The following TRAPPC9 variants were observed in gnomAD, a reference collection of about 807,000 sequenced individuals.
TRAPPC9 encodes IKK2 binding protein.
A neutral mutation model predicts 124.0 loss-of-function variants in TRAPPC9; 83 were observed. That is an observed-to-expected ratio of 0.67 (90% CI 0.56 to 0.80). TRAPPC9 has a LOEUF of 0.80. TRAPPC9 is among the 30% of genes least tolerant of loss of function. The pLI, the probability that TRAPPC9 is intolerant of heterozygous loss-of-function variation, is 0.00. For synonymous variants in TRAPPC9, 638 were observed against 617.5 expected, an observed-to-expected ratio of 1.03 and a Z score of -0.49; for missense variants, 1,302 against 1,508.3, an observed-to-expected ratio of 0.86 and a Z score of 2.27.
intron 9 of TRAPPC9, among the ~76,000 whole-genome samples, chr8:140,312,207 T>C (rs150884468): frequency 6.6e-6 from 1 of 152,328 alleles, no homozygotes; most frequent in Non-Finnish European, 1.5e-5. Context: ...GGGAGGGGTG[T>C]GAACAAGGAA....
At chr8:140,084,923 G>A (rs1181839748) in intron 17 of TRAPPC9, among the ~76,000 whole-genome samples, 1 of 152,232 alleles carries the variant, frequency 6.6e-6, no homozygotes, top group Non-Finnish European at 1.5e-5. Context: ...CTGATATCCA[G>A]TGGGGTATGG....
chr8:140,167,519 C>CT (rs2061865529), intron 17 of TRAPPC9, among the ~76,000 whole-genome samples: 1 of 152,204 alleles, frequency 6.6e-6, no homozygotes, highest in South Asian at 2.1e-4. Context: ...TGAGGGCTGA[C>CT]TGAGGCCATA....
intron 19 of TRAPPC9, among the ~76,000 whole-genome samples, chr8:139,940,611 G>A (rs1833851972): frequency 6.6e-6 from 1 of 152,238 alleles, no homozygotes; most frequent in African/African-American, 2.4e-5. Flanking sequence ...AGAGGGGCCG[G>A]CAGGGACACA....
intron 19 of TRAPPC9, among the ~76,000 whole-genome samples, chr8:139,982,637 T>G (rs11987198): frequency 5.3e-5 from 8 of 152,066 alleles, no homozygotes; most frequent in Non-Finnish European, 1.0e-4. Flanking sequence ...ATTACAGAAC[T>G]GATGTATCAC....
chr8:140,166,666 C>T (rs895997121), intron 17 of TRAPPC9, among the ~76,000 whole-genome samples: 1 of 152,236 alleles, frequency 6.6e-6, no homozygotes, highest in Non-Finnish European at 1.5e-5. Context: ...AGATACTGAG[C>T]TGGGGTCTGG....
chr8:140,103,019 T>C (rs1362941950), intron 17 of TRAPPC9, among the ~76,000 whole-genome samples: 2 of 151,912 alleles, frequency 1.3e-5, no homozygotes, highest in Non-Finnish European at 2.9e-5. Context: ...AGTGATGAAA[T>C]GAAGGGATGC....
intron 8 of TRAPPC9, among the ~76,000 whole-genome samples, chr8:140,369,723 G>C (rs895382508): frequency 2.0e-5 from 3 of 152,068 alleles, no homozygotes; most frequent in Admixed American, 2.0e-4. Flanking sequence ...AGGCCAAAGT[G>C]GGCGGATCAC....
rs143995542 is a variant in TRAPPC9, at chr8:140,094,723, C to T, written c.2557-70644G>A. 7.2e-3 allele frequency among the ~76,000 whole-genome samples: 1,103 copies of T among 152,242 alleles called. 6 individuals are homozygous for T. Among genetic ancestry groups the T allele is most frequent in the Middle Eastern group, 0.014 (4 of 294 alleles). Reference sequence around the variant, plus strand: ...GCCCTGGCAAGCAAGACATCTATGCCGCAACAGAGGCAAGCCTGCACTCTG... The same window carrying T: ...GCCCTGGCAAGCAAGACATCTATGCTGCAACAGAGGCAAGCCTGCACTCTG... On this transcript the variant is annotated intron_variant, in intron 17 of 22. Transcript: ENST00000438773.
intron 18 of TRAPPC9, among the ~76,000 whole-genome samples, chr8:140,003,795 A>T (rs770613131): frequency 3.9e-5 from 6 of 152,218 alleles, no homozygotes; most frequent in African/African-American, 7.2e-5. Flanking sequence ...GTTTCTTACA[A>T]AGTTGAATAG....
chr8:139,932,274 A>G, intron 19 of TRAPPC9: 1 of 455,820 alleles, frequency 2.2e-6, no homozygotes, highest in South Asian at 1.6e-5. Context: ...GGCCTCGCTC[A>G]GGGTAGCCAC....
intron 21 of TRAPPC9, among the ~76,000 whole-genome samples, chr8:139,756,790 T>C (rs2130300390): frequency 1.6e-5 from 2 of 126,502 alleles, no homozygotes; most frequent in African/African-American, 3.1e-5. Context: ...GGTTTGGGGA[T>C]GAGGACAGCA....
rs1835192578 is a variant in TRAPPC9, at chr8:139,958,990, CACTGCATTCCGAGTCACACGGGGGAGG to C, written c.2810+29709_2810+29735del. ...CTGCATTCCGAGTCACACGGGGGAG[CACTGCATTCCGAGTCACACGGGGGAGG>C]CCTGCATTCCGAGTCACACGGGGGA... On this transcript the variant is annotated intron_variant, in intron 19 of 22. Coordinates refer to ENST00000438773, the MANE Select transcript of TRAPPC9 (RefSeq NM_001160372.4). Among the ~76,000 whole-genome samples the C allele has an allele frequency of 6.1e-4, 88 of 143,940 alleles. 1 individual carries two copies. The highest frequency in any genetic ancestry group is 1.8e-3 in the African/African-American group (67 of 37,642). 94.4% of individuals were successfully genotyped at this position (143,940 alleles called of 152,430 possible).
At chr8:140,113,802 T>C (rs372144412) in intron 17 of TRAPPC9, among the ~76,000 whole-genome samples, 8 of 152,350 alleles carry the variant, frequency 5.3e-5, no homozygotes, top group African/African-American at 1.9e-4. Context: ...ACTTGATGAC[T>C]GGTGCACATA....
intron 19 of TRAPPC9, among the ~76,000 whole-genome samples, chr8:139,937,145 G>A (rs1250589661): frequency 1.3e-5 from 2 of 152,142 alleles, no homozygotes; most frequent in Non-Finnish European, 2.9e-5. Flanking sequence ...TGCATCCCAG[G>A]AGGGGGCTGC....
intron 19 of TRAPPC9, among the ~76,000 whole-genome samples, chr8:139,930,648 C>T (rs1833086434): frequency 2.0e-5 from 3 of 152,226 alleles, no homozygotes; most frequent in Admixed American, 6.5e-5. Flanking sequence ...GAGCATCCCC[C>T]GTGTTTAGCC....
At chr8:140,341,907 G>C (rs895508179) in intron 9 of TRAPPC9, among the ~76,000 whole-genome samples, 1 of 152,254 alleles carries the variant, frequency 6.6e-6, no homozygotes, top group Non-Finnish European at 1.5e-5. Context: ...GACTGAAAGA[G>C]CAGTGCACAA....
intron 5 of TRAPPC9, among the ~76,000 whole-genome samples, chr8:140,407,243 C>T (rs576670163): frequency 6.6e-6 from 1 of 152,280 alleles, no homozygotes; most frequent in East Asian, 1.9e-4. Context: ...CATCTTGGGC[C>T]TATGTTCTTA....
intron 21 of TRAPPC9, among the ~76,000 whole-genome samples, chr8:139,787,576 A>C (rs898532203): frequency 6.6e-6 from 1 of 152,234 alleles, no homozygotes; most frequent in Non-Finnish European, 1.5e-5. Context: ...CCGAAAGCTT[A>C]AATGTAAATG....
At chr8:140,024,185 C>G (rs531739885) in intron 17 of TRAPPC9, 106 bp from the exon 18 acceptor site, 1 of 1,384,558 alleles carries the variant, frequency 7.2e-7, no homozygotes, top group Non-Finnish European at 1.0e-6. Context: ...GAAGATAATC[C>G]CAACTAGTCA....
Sources: gnomAD v4.1 joint callset for allele counts (sites outside exome capture counted in the v4.1 genomes callset) on GRCh38, gnomAD v4.1.1 for gene constraint, MANE v1.5 for transcripts, NCBI Gene and HGNC (gene_info 2026-07-23, HGNC 2026-07-21) for gene names.